LINGO2: variants seen among roughly 807,000 people sequenced by gnomAD.
LINGO2 encodes the protein leucine rich repeat and Ig domain containing 2, also known as leucine-rich repeat and immunoglobulin-like domain-containing nogo receptor-interacting protein 2.
In LINGO2, 14 loss-of-function variants were observed where a neutral mutation model predicts 30.6. The ratio of observed to expected loss-of-function variants is 0.46; its 90% CI spans 0.30 to 0.72. The LOEUF (loss-of-function observed/expected upper bound fraction) is 0.72, where lower values mean the gene tolerates loss of function less well. LINGO2 is among the 30% of genes least tolerant of loss of function. LINGO2 has a pLI of 0.07. For synonymous variants in LINGO2, 317 were observed against 288.5 expected (o/e 1.10, Z -1.00); for missense variants, 729 against 751.7 (o/e 0.97, Z 0.35).
At chr9:28,274,893 C>T (rs1025302474) in intron 4 of LINGO2, among the ~76,000 whole-genome samples, 2 of 152,152 alleles carry the variant, frequency 1.3e-5, no homozygotes, top group African/African-American at 2.4e-5. Context: ...GCAGCTTTAG[C>T]ACAATCTCTA....
intron 4 of LINGO2, chr9:28,149,111 C>T (rs2133541172): frequency 1.3e-6 from 2 of 1,520,106 alleles, no homozygotes; most frequent in South Asian, 2.4e-5. Flanking sequence ...AGGACGCCTC[C>T]AGCAGGGCAA....
chr9:28,251,299 T>A (rs946803313), intron 4 of LINGO2, among the ~76,000 whole-genome samples: 1 of 152,120 alleles, frequency 6.6e-6, no homozygotes, highest in Non-Finnish European at 1.5e-5. Flanking sequence ...AGTTCCCTTA[T>A]CTCTCAGCTT....
intron 4 of LINGO2, among the ~76,000 whole-genome samples, chr9:28,254,377 C>T (rs1822309892): frequency 6.6e-6 from 1 of 151,906 alleles, no homozygotes. Context: ...AAAGGTTGCC[C>T]CTAACCACGC....
In LINGO2 at chr9:28,653,684, A is replaced by G. The variant is rs140692223; in HGVS notation, c.-365+16516T>C. On this transcript the variant is annotated intron_variant, in intron 1 of 5. Coordinates refer to ENST00000379992, the Ensembl canonical transcript of LINGO2. ...ATAAATAAGAGTCAAATACCAGAGCATCTTTATCTCCATACCTTCACAATG... is the reference window on the plus strand; with the variant it reads ...ATAAATAAGAGTCAAATACCAGAGCGTCTTTATCTCCATACCTTCACAATG... 3.3e-3 allele frequency among the ~76,000 whole-genome samples: 509 copies of G among 152,288 alleles called. 2 individuals are homozygous for G. The highest frequency in any genetic ancestry group is 0.011 in the African/African-American group (467 of 41,574).
intron 4 of LINGO2, among the ~76,000 whole-genome samples, chr9:28,197,996 T>C (rs1452410908): frequency 2.6e-5 from 4 of 151,976 alleles, no homozygotes; most frequent in Admixed American, 1.3e-4. Flanking sequence ...TAAATGTGTG[T>C]GTAAACACAT....
rs577253127 is a variant in LINGO2, at chr9:28,305,080, T to C, written c.-245-9714A>G. On this transcript the variant is annotated intron_variant, in intron 3 of 5. Coordinates refer to ENST00000379992, the Ensembl canonical transcript of LINGO2. ...AGAGATTTGCTTCATACAAAAGCAG[T>C]TGATGTAACCATATTAACCATACTA... Among the ~76,000 whole-genome samples, 49 of 152,164 alleles carry C rather than the reference T, an allele frequency of 3.2e-4. No homozygotes were observed. The South Asian group carries it at 9.5e-3, about 30-fold the overall frequency.
At chr9:28,387,492 C>T (rs1821635240) in intron 2 of LINGO2, among the ~76,000 whole-genome samples, 2 of 152,186 alleles carry the variant, frequency 1.3e-5, no homozygotes, top group African/African-American at 4.8e-5. Context: ...CCTGGGGGCC[C>T]CTTCCACGTT....
At chr9:28,137,528 A>T (rs1827552622) in intron 4 of LINGO2, among the ~76,000 whole-genome samples, 1 of 152,110 alleles carries the variant, frequency 6.6e-6, no homozygotes, top group African/African-American at 2.4e-5. Context: ...ATTGGGTTCA[A>T]GTGGGTCATA....
intron 1 of LINGO2, among the ~76,000 whole-genome samples, chr9:28,482,260 T>C (rs1587733505): frequency 6.6e-6 from 1 of 152,016 alleles, no homozygotes; most frequent in Admixed American, 6.6e-5. Context: ...AGTGTTCCTA[T>C]TTCTCCACAT....
intron 4 of LINGO2, among the ~76,000 whole-genome samples, chr9:28,049,480 CAT>C (rs1824572145): frequency 6.7e-6 from 1 of 150,318 alleles, no homozygotes; most frequent in African/African-American, 2.5e-5. Flanking sequence ...GGAGGAAAGA[CAT>C]TGCATATAGG....
chr9:28,013,289 T>G (rs1822651133), intron 4 of LINGO2, among the ~76,000 whole-genome samples: 1 of 152,182 alleles, frequency 6.6e-6, no homozygotes, highest in African/African-American at 2.4e-5. Context: ...TTATTCACCT[T>G]TTCCTCCTGC....
At chr9:29,139,836 T>C in the LINGO2 span, among the ~76,000 whole-genome samples, 4 of 152,012 alleles carry the variant, frequency 2.6e-5, no homozygotes, top group Non-Finnish European at 4.4e-5. Flanking sequence ...GGAAATAGTT[T>C]CTGTCTTGCC....
chr9:28,962,267 T>C, the LINGO2 span, among the ~76,000 whole-genome samples: 2 of 152,128 alleles, frequency 1.3e-5, no homozygotes, highest in African/African-American at 4.8e-5. Flanking sequence ...AGGAAGTTGG[T>C]ACCACTGTTA....
chr9:28,708,805 GTCTA>G, the LINGO2 span, among the ~76,000 whole-genome samples: 9 of 100,170 alleles, frequency 9.0e-5, no homozygotes, highest in Admixed American at 2.4e-4. Flanking sequence ...ATTATTGTCT[GTCTA>G]TCTATCATCT....
At chr9:28,708,571 A>ACAGT in the LINGO2 span, among the ~76,000 whole-genome samples, 2 of 152,124 alleles carry the variant, frequency 1.3e-5, no homozygotes, top group Non-Finnish European at 2.9e-5. Context: ...TTCCAGTGGA[A>ACAGT]CAGTATTCAT....
chr9:28,036,235 A>G (rs776433641), intron 4 of LINGO2, among the ~76,000 whole-genome samples: 4 of 152,256 alleles, frequency 2.6e-5, no homozygotes, highest in Non-Finnish European at 5.9e-5. Flanking sequence ...ACAGCCCATC[A>G]TCATGTAGAA....
intron 3 of LINGO2, among the ~76,000 whole-genome samples, chr9:28,313,722 G>C (rs951524228): frequency 6.6e-6 from 1 of 152,128 alleles, no homozygotes; most frequent in African/African-American, 2.4e-5. Context: ...TTAGCATGAA[G>C]TAATAAATTC....
At chr9:28,348,592 AG>A (rs1408047015) in intron 3 of LINGO2, among the ~76,000 whole-genome samples, 1 of 152,202 alleles carries the variant, frequency 6.6e-6, no homozygotes, top group Non-Finnish European at 1.5e-5. Context: ...ACCATTGCCC[AG>A]GCTTGATTAG....
At chr9:29,114,180 A>T in the LINGO2 span, among the ~76,000 whole-genome samples, 78,197 of 149,250 alleles carry the variant, frequency 0.52, 21,004 homozygotes, top group Non-Finnish European at 0.59. Flanking sequence ...TAATATATAT[A>T]TTTTTTTTAA....
Sources: allele counts gnomAD v4.1 joint callset (sites outside exome capture counted in the v4.1 genomes callset), GRCh38; gene constraint gnomAD v4.1.1; transcripts MANE v1.5; gene names NCBI Gene and HGNC (gene_info 2026-07-23, HGNC 2026-07-21).